ETV1: variants seen among roughly 807,000 people sequenced by gnomAD.
The protein encoded by ETV1 is ETS translocation variant 1.
ETV1 carries 27 observed loss-of-function variants against 62.3 expected under a neutral mutation model. That is an observed-to-expected ratio of 0.43 (90% CI 0.32 to 0.60). ETV1 has a LOEUF of 0.60. ETV1 is among the 20% of genes least tolerant of loss of function. The pLI, the probability that ETV1 is intolerant of heterozygous loss-of-function variation, is 0.06. For missense variants in ETV1, 605 were observed against 605.8 expected, an observed-to-expected ratio of 1.00 and a Z score of 0.01; for synonymous variants, 222 against 199.6, an observed-to-expected ratio of 1.11 and a Z score of -0.94.
At chr7:13,906,116 T>C (rs1376794923) in intron 12 of ETV1, 2 of 209,628 alleles carry the variant, frequency 9.5e-6, no homozygotes, top group East Asian at 1.0e-4. Flanking sequence ...ACCTCCCTCC[T>C]GCCTCTTTTC....
intron 9 of ETV1, among the ~76,000 whole-genome samples, chr7:13,916,320 A>C (rs1784149851): frequency 1.3e-5 from 2 of 152,140 alleles, no homozygotes; most frequent in South Asian, 4.1e-4. Context: ...TTGTAATAGC[A>C]TTTGCAAAAT....
At position 13,954,504 on chromosome 7, in the gene ETV1, C is replaced by T. The variant is rs1468026250; in HGVS notation, c.236-15258G>A. The stretch of plus-strand genomic sequence containing the variant: ...CATTCTTCAAATGTTTGTGCATTAC[C>T]TGTTTAATATTTAGCTCCTGGAAAG... On this transcript the variant is annotated intron_variant, in intron 6 of 13. Coordinates refer to ENST00000430479, the MANE Select transcript of ETV1 (RefSeq NM_004956.5). Among the ~76,000 whole-genome samples, 3 of 152,164 alleles carry T rather than the reference C, an allele frequency of 2.0e-5. No individual in the cohort carries two copies. In the East Asian group the frequency reaches 5.8e-4, roughly 29 times the overall value.
At chr7:13,907,291 C>T (rs1223912641) in intron 11 of ETV1, among the ~76,000 whole-genome samples, 1 of 152,120 alleles carries the variant, frequency 6.6e-6, no homozygotes, top group East Asian at 1.9e-4. Context: ...CAAAAATTCT[C>T]TCTCATTTTT....
rs889447951 is a variant in ETV1, at chr7:13,895,832, A to G, written c.*34T>C. On this transcript the variant is annotated 3_prime_UTR_variant, in exon 14 of 14. Transcript: ENST00000430479. The stretch of plus-strand genomic sequence containing the variant: ...TCTGTATCTTGCAGAAAAAAGGAAA[A>G]GCGCAAAAACGCCCTGCTTGACTGT... 1 of 1,494,656 alleles carries G rather than the reference A, an allele frequency of 6.7e-7. No individual in the cohort carries two copies. Among genetic ancestry groups the G allele is most frequent in the African/African-American group, 1.4e-5 (1 of 72,504 alleles). The allele number at this position is 1,494,656 out of a possible 1,614,324, so 92.6% of individuals were successfully genotyped here.
chr7:13,930,994 G>C (rs1786071537), intron 9 of ETV1, among the ~76,000 whole-genome samples: 1 of 151,782 alleles, frequency 6.6e-6, no homozygotes, highest in African/African-American at 2.4e-5. Context: ...TAGAGATGGG[G>C]TTTCACCGTG....
intron 6 of ETV1, among the ~76,000 whole-genome samples, chr7:13,965,326 C>T (rs1223380801): frequency 6.6e-6 from 1 of 152,178 alleles, no homozygotes; most frequent in African/African-American, 2.4e-5. Flanking sequence ...CAGATGAGTT[C>T]ACAGAACATC....
rs1781536066 is a variant in ETV1 at position 13,893,694 on chromosome 7, C to T, written c.*2172G>A. On this transcript the variant is annotated 3_prime_UTR_variant, in exon 14 of 14. Coordinates refer to ENST00000430479, the MANE Select transcript of ETV1 (RefSeq NM_004956.5). ...TCATTCAGAATATATTTTAAAGACT[C>T]ACTTAAATTTTCTCCTTCAATTTCA... 4.3e-6 allele frequency: 1 copy of T among 232,578 alleles called. No homozygotes were observed. Among genetic ancestry groups the T allele is most frequent in the South Asian group, 1.8e-4 (1 of 5,520 alleles). 14.4% of individuals were successfully genotyped at this position (232,578 alleles called of 1,614,324 possible).
intron 9 of ETV1, among the ~76,000 whole-genome samples, chr7:13,917,599 G>T (rs182700640): frequency 1.3e-5 from 2 of 151,854 alleles, no homozygotes. Context: ...TTACAGGGGT[G>T]AGCCACCGCG....
intron 8 of ETV1, among the ~76,000 whole-genome samples, chr7:13,934,698 T>C (rs912581134): frequency 6.6e-6 from 1 of 152,212 alleles, no homozygotes; most frequent in Non-Finnish European, 1.5e-5. Context: ...CATTACCAAT[T>C]ATACACCTGA....
chr7:13,896,685 A>C (rs60376037), intron 13 of ETV1, among the ~76,000 whole-genome samples: 22 of 91,810 alleles, frequency 2.4e-4, no homozygotes, highest in East Asian at 6.2e-4. Flanking sequence ...TAAAGAAAGA[A>C]AGAAAAGAGA....
chr7:13,939,392 G>A (rs1787213167), intron 6 of ETV1, 146 bp from the exon 7 acceptor site: 1 of 648,390 alleles, frequency 1.5e-6, no homozygotes, highest in Non-Finnish European at 2.5e-6. Flanking sequence ...ATGAATTTCA[G>A]TAGCAGAAGA....
At chr7:13,967,833 T>C (rs78255600) in intron 6 of ETV1, among the ~76,000 whole-genome samples, 2,517 of 152,210 alleles carry the variant, frequency 0.017, 29 homozygotes, top group Non-Finnish European at 0.024. Flanking sequence ...ACATATTCTA[T>C]GAGGTGGTAG....
chr7:13,965,312 C>T (rs555501368), intron 6 of ETV1, among the ~76,000 whole-genome samples: 1 of 152,328 alleles, frequency 6.6e-6, no homozygotes, highest in East Asian at 1.9e-4. Flanking sequence ...CACAGCTATT[C>T]GCTCAGATGA....
At chr7:13,986,461 C>T (rs1782560826) in intron 5 of ETV1, 177 bp downstream of exon 5, 3 of 1,503,774 alleles carry the variant, frequency 2.0e-6, no homozygotes, top group African/African-American at 1.4e-5. Flanking sequence ...CTGGGTAGTA[C>T]AGCCCCAGAG....
upstream of ETV1, chr7:13,991,206 T>C (rs1008980889): frequency 2.6e-5 from 4 of 152,228 alleles, no homozygotes; most frequent in African/African-American, 9.7e-5. Flanking sequence ...GGCTGAACAG[T>C]GAAGCTCATG....
At chr7:13,991,039 A>T (rs1309849997), upstream of ETV1, 2 of 152,432 alleles carry the variant, frequency 1.3e-5, no homozygotes, top group Admixed American at 1.3e-4. Context: ...TATTACTGGG[A>T]AAACAACCAA....
chr7:13,917,152 T>C (rs186872949), intron 9 of ETV1, among the ~76,000 whole-genome samples: 125 of 152,020 alleles, frequency 8.2e-4, no homozygotes, highest in African/African-American at 2.4e-3. Context: ...AATGACCAGA[T>C]CCAAACAACA....
chr7:13,988,796 T>C, intron 3 of ETV1: 1 of 1,605,866 alleles, frequency 6.2e-7, no homozygotes, highest in South Asian at 1.1e-5. Flanking sequence ...AAAAGGGGTC[T>C]TAAAAACAAA....
intron 9 of ETV1, among the ~76,000 whole-genome samples, chr7:13,928,849 T>C (rs1785748161): frequency 6.6e-6 from 1 of 151,982 alleles, no homozygotes; most frequent in Non-Finnish European, 1.5e-5. Context: ...TCCCAGTTAC[T>C]CGGGAGGCTG....
Sources: allele counts gnomAD v4.1 joint callset (sites outside exome capture counted in the v4.1 genomes callset), GRCh38; gene constraint gnomAD v4.1.1; transcripts MANE v1.5; gene names NCBI Gene and HGNC (gene_info 2026-07-23, HGNC 2026-07-21).